Variants in IGSF10 observed in about 807,000 individuals in gnomAD.
IGSF10 encodes the protein immunoglobulin superfamily member 10.
A neutral mutation model predicts 128.2 loss-of-function variants in IGSF10; 126 were observed. The ratio of observed to expected loss-of-function variants is 0.98; its 90% CI spans 0.85 to 1.14. The LOEUF (loss-of-function observed/expected upper bound fraction) is 1.14. IGSF10 is among the 50% of genes most tolerant of loss of function. The probability of loss-of-function intolerance (pLI) is 0.00; values close to 1 mark genes in which losing one functional copy is unlikely to be tolerated. For missense variants in IGSF10, 3,295 were observed against 3,149.8 expected (o/e 1.05, Z -1.10); for synonymous variants, 1,185 against 1,146.2 (o/e 1.03, Z -0.68).
chr3:151,545,587 G>C, the IGSF10 span, among the ~76,000 whole-genome samples: 1 of 152,132 alleles, frequency 6.6e-6, no homozygotes, highest in East Asian at 1.9e-4. Flanking sequence ...GGGAAAATTG[G>C]CTCAATTCAA....
chr3:151,441,752 A>G (rs887511374), intron 7 of IGSF10, among the ~76,000 whole-genome samples: 1 of 152,218 alleles, frequency 6.6e-6, no homozygotes, highest in Non-Finnish European at 1.5e-5. Context: ...TAATTTATAT[A>G]GAAAGCCAGC....
Position 151,438,163 on chromosome 3 carries a change from T to C in IGSF10, c.6398A>G (p.His2133Arg). ...GGGAGCAGCTGTTATAACTGTTAAG[T>C]GGACCTTCATTTCATCTTTCCCTAG... ...NTLGKDEMKV[H>R]LTVITAAPRI... Residue 2133 changes from histidine to arginine, a missense_variant, in exon 8 of 8, where the codon CAC (histidine) becomes CGC (arginine). Transcript: ENST00000282466. 1 of 1,614,206 alleles carries C rather than the reference T, an allele frequency of 6.2e-7. No homozygotes were observed. The highest frequency in any genetic ancestry group is 8.5e-7 in the Non-Finnish European group (1 of 1,180,028).
At chr3:151,442,065 A>T (rs2108539316) in intron 7 of IGSF10, among the ~76,000 whole-genome samples, 1 of 152,266 alleles carries the variant, frequency 6.6e-6, no homozygotes, top group South Asian at 2.1e-4. Context: ...CGTCTCAAAA[A>T]ATATATATAT....
the IGSF10 span, among the ~76,000 whole-genome samples, chr3:151,502,580 G>A: frequency 1.3e-5 from 2 of 151,800 alleles, no homozygotes; most frequent in Admixed American, 1.3e-4. Flanking sequence ...TATTTACTTC[G>A]ATCTGTTTTT....
intron 2 of IGSF10, 53 bp from the exon 3 acceptor site, chr3:151,458,763 G>A (rs965395820): frequency 2.1e-6 from 3 of 1,461,518 alleles, no homozygotes; most frequent in African/African-American, 1.4e-5. Context: ...CAAAGTCCCA[G>A]GACCACCACA....
chr3:151,617,334 C>A, the IGSF10 span, among the ~76,000 whole-genome samples: 1 of 144,512 alleles, frequency 6.9e-6, no homozygotes, highest in Non-Finnish European at 1.5e-5. Context: ...CCTCCTCCTC[C>A]CCCTCCTCCT....
the IGSF10 span, among the ~76,000 whole-genome samples, chr3:151,517,356 T>C: frequency 6.6e-6 from 1 of 151,976 alleles, no homozygotes; most frequent in Non-Finnish European, 1.5e-5. Flanking sequence ...TTTGATCTAT[T>C]TGATTTTAGG....
the IGSF10 span, among the ~76,000 whole-genome samples, chr3:151,594,823 C>T: frequency 4.0e-5 from 6 of 151,624 alleles, no homozygotes; most frequent in Admixed American, 6.6e-5. Context: ...AGGTGATATC[C>T]TAAATACCCT....
the IGSF10 span, among the ~76,000 whole-genome samples, chr3:151,491,894 A>G: frequency 7.2e-5 from 11 of 152,314 alleles, no homozygotes; most frequent in East Asian, 3.9e-4. Context: ...AAAACCTTCA[A>G]TAAAACATTA....
the IGSF10 span, among the ~76,000 whole-genome samples, chr3:151,521,462 A>C: frequency 6.6e-6 from 1 of 152,038 alleles, no homozygotes; most frequent in Non-Finnish European, 1.5e-5. Context: ...AATTGGACAT[A>C]AAACAATCCT....
the IGSF10 span, among the ~76,000 whole-genome samples, chr3:151,496,892 C>G: frequency 6.6e-6 from 1 of 152,100 alleles, no homozygotes; most frequent in African/African-American, 2.4e-5. Flanking sequence ...GAGATGTTAT[C>G]TCATTGTGGT....
chr3:151,446,633 T>C lies in IGSF10; in HGVS notation c.3348A>G (p.Lys1116=), dbSNP rs763174800. 5.0e-6 allele frequency: 8 copies of C among 1,613,988 alleles called. No individual in the cohort carries two copies. The Admixed American group carries it at 1.2e-4, about 24-fold the overall frequency. Residue 1116 remains lysine, a synonymous_variant, in exon 6 of 8, where the codon AAA becomes AAG. Coordinates refer to ENST00000282466, the MANE Select transcript of IGSF10 (RefSeq NM_178822.5). ...TGGGTGTTGTTTTCTCTACACTGGG[T>C]TTGTTCTCAAGTAGTAATAGTGGAT... The part of the protein sequence containing the change: ...VQNPLLLLEN[K]PSVEKTTPTI...
At chr3:151,615,448 T>C in the IGSF10 span, among the ~76,000 whole-genome samples, 1 of 152,212 alleles carries the variant, frequency 6.6e-6, no homozygotes, top group African/African-American at 2.4e-5. Flanking sequence ...TATTGTTCCA[T>C]GTATGCTGTG....
At chr3:151,528,845 T>C in the IGSF10 span, among the ~76,000 whole-genome samples, 3 of 149,944 alleles carry the variant, frequency 2.0e-5, no homozygotes, top group African/African-American at 7.4e-5. Flanking sequence ...GGAATGCTAG[T>C]GAGACAGAAC....
At chr3:151,512,195 A>G in the IGSF10 span, among the ~76,000 whole-genome samples, 1 of 152,236 alleles carries the variant, frequency 6.6e-6, no homozygotes, top group Non-Finnish European at 1.5e-5. Flanking sequence ...CTATTCCAAA[A>G]TTGACCACAT....
the IGSF10 span, among the ~76,000 whole-genome samples, chr3:151,574,026 A>G: frequency 6.6e-6 from 1 of 152,174 alleles, no homozygotes; most frequent in African/African-American, 2.4e-5. Flanking sequence ...CTTTTCTTTA[A>G]GAATGTTGAA....
chr3:151,475,451 T>C, the IGSF10 span, among the ~76,000 whole-genome samples: 1 of 152,198 alleles, frequency 6.6e-6, no homozygotes, highest in Non-Finnish European at 1.5e-5. Flanking sequence ...GGATGAACCA[T>C]AACCTAACTT....
At position 151,438,222 on chromosome 3, in the gene IGSF10, C is replaced by T. The variant is rs200998219; in HGVS notation, c.6339G>A (p.Glu2113=). 4.3e-6 allele frequency: 7 copies of T among 1,614,044 alleles called. No homozygotes were observed. The African/African-American group carries it at 5.3e-5, about 12-fold the overall frequency. The change falls in exon 8 of 8, where the codon GAG becomes GAA. Residue 2113 remains glutamate, a synonymous_variant. Transcript: ENST00000282466. The part of the protein sequence containing the change: ...TLYFNKVGVA[E]EGDYTCYAQN... The stretch of plus-strand genomic sequence containing the variant: ...GGGCATAGCAAGTATAATCTCCTTC[C>T]TCCGCTACCCCAACTTTGTTGAAGT...
Position 151,445,992 on chromosome 3 carries a change from A to T in IGSF10, c.3989T>A (p.Ile1330Asn). ...TCTCTCTGTTTGGGTTTCATAAGTG[A>T]TGACAGATGCAGGGAAGGTAGGAGT... is the stretch of plus-strand genomic sequence containing the variant. ...ATTPTFPASV[I>N]TYETQTERSR... Residue 1330 changes from isoleucine to asparagine, a missense_variant, in exon 6 of 8, where the codon ATC becomes AAC. By Grantham distance (149) the Ile-to-Asn change is moderately radical (BLOSUM62 -3). Coordinates refer to ENST00000282466, the MANE Select transcript of IGSF10 (RefSeq NM_178822.5). 6.2e-7 allele frequency: 1 copy of T among 1,614,180 alleles called. No individual in the cohort carries two copies. The highest frequency in any genetic ancestry group is 1.1e-5 in the South Asian group (1 of 91,076).
Sources: allele counts gnomAD v4.1 joint callset (sites outside exome capture counted in the v4.1 genomes callset), GRCh38; gene constraint gnomAD v4.1.1; transcripts MANE v1.5; gene names NCBI Gene and HGNC (gene_info 2026-07-23, HGNC 2026-07-21).